Variants in TACR1 observed in about 807,000 individuals in gnomAD.
TACR1 encodes tachykinin receptor 1.
Under a neutral mutation model 35.8 loss-of-function variants are expected in TACR1, and 25 were observed. The observed-to-expected ratio is 0.70, with a 90% confidence interval of 0.51 to 0.98. TACR1 has a LOEUF of 0.98. TACR1 is among the 50% of genes least tolerant of loss of function. TACR1 has a pLI of 0.00. For missense variants in TACR1, 478 were observed against 522.9 expected (o/e 0.91, Z 0.84); for synonymous variants, 195 against 206.7 (o/e 0.94, Z 0.48).
intron 1 of TACR1, among the ~76,000 whole-genome samples, chr2:75,183,122 T>G (rs1675597952): frequency 6.6e-6 from 1 of 152,138 alleles, no homozygotes; most frequent in Admixed American, 6.5e-5. Flanking sequence ...TCAATGTCAG[T>G]AGAAGATAAC....
At chr2:75,078,611 C>G in intron 2 of TACR1, among the ~76,000 whole-genome samples, 1 of 152,148 alleles carries the variant, frequency 6.6e-6, no homozygotes, top group Non-Finnish European at 1.5e-5. Context: ...CCACCTGAAC[C>G]TACTCCAGTC....
At chr2:75,117,451 C>T (rs530269666) in intron 2 of TACR1, among the ~76,000 whole-genome samples, 1 of 152,316 alleles carries the variant, frequency 6.6e-6, no homozygotes, top group African/African-American at 2.4e-5. Context: ...TGCCTGTCAT[C>T]TTCCAGTGAA....
At chr2:75,054,070 A>AT (rs1672524833) in intron 2 of TACR1, among the ~76,000 whole-genome samples, 1 of 152,182 alleles carries the variant, frequency 6.6e-6, no homozygotes, top group Non-Finnish European at 1.5e-5. Flanking sequence ...ACCCATAGCG[A>AT]TTTCAGTTGA....
chr2:75,148,015 C>T (rs772411735), intron 1 of TACR1, among the ~76,000 whole-genome samples: 3 of 151,764 alleles, frequency 2.0e-5, no homozygotes, highest in Admixed American at 6.6e-5. Flanking sequence ...CAAAGTGCTG[C>T]GATTACAGTT....
intron 1 of TACR1, among the ~76,000 whole-genome samples, chr2:75,172,193 A>G (rs537538218): frequency 6.6e-6 from 1 of 152,308 alleles, no homozygotes; most frequent in South Asian, 2.1e-4. Flanking sequence ...TCTTGAATGG[A>G]GAACCAGCCA....
rs72809322 is a variant in TACR1 at position 75,169,584 on chromosome 2, A to G, written c.389+28962T>C. Among the ~76,000 whole-genome samples the G allele has an allele frequency of 4.2e-3, 647 of 152,276 alleles. 6 individuals carry two copies. The highest frequency in any genetic ancestry group is 0.013 in the African/African-American group (561 of 41,566). ...TTTATTTTTCTTGCTAGGATAGATG[A>G]AGACATTTTACAATTTAAACCTGGA... On this transcript the variant is annotated intron_variant, in intron 1 of 4. Transcript: ENST00000305249.
intron 1 of TACR1, among the ~76,000 whole-genome samples, chr2:75,140,200 A>G (rs902191981): frequency 6.6e-5 from 10 of 152,126 alleles, no homozygotes; most frequent in African/African-American, 2.4e-4. Flanking sequence ...CATTGAATGT[A>G]GACAGTATTT....
chr2:75,191,690 AGG>A (rs996121774), intron 1 of TACR1, among the ~76,000 whole-genome samples: 2 of 152,192 alleles, frequency 1.3e-5, no homozygotes, highest in African/African-American at 4.8e-5. Context: ...CCTTTATGGT[AGG>A]GAGAAATTTG....
intron 1 of TACR1, among the ~76,000 whole-genome samples, chr2:75,124,314 A>C (rs542127127): frequency 6.6e-6 from 1 of 152,370 alleles, no homozygotes; most frequent in East Asian, 1.9e-4. Context: ...ATCCTCTGAC[A>C]AGCGGCAGTA....
chr2:75,198,650 G>A lies in TACR1; in HGVS notation c.285C>T (p.His95=). 6.2e-7 allele frequency: 1 copy of A among 1,614,244 alleles called. No homozygotes were observed. The highest frequency in any genetic ancestry group is 8.5e-7 in the Non-Finnish European group (1 of 1,180,038). ...AGAACAGGCCGTAGTACCATTCGTT[G>A]TGGACAGCATAGGTGAAGTTCACCA... The part of the protein sequence containing the change: ...NTVVNFTYAV[H]NEWYYGLFYC... The change falls in exon 1 of 5, where the codon CAC becomes CAT. Residue 95 remains histidine (H), a synonymous_variant. Transcript: ENST00000305249.
intron 2 of TACR1, among the ~76,000 whole-genome samples, chr2:75,086,124 G>A (rs1673183893): frequency 6.6e-6 from 1 of 152,224 alleles, no homozygotes; most frequent in Non-Finnish European, 1.5e-5. Context: ...TTGGGTTGAG[G>A]AGAGAGAAAA....
chr2:75,079,112 T>C (rs1267165035), intron 2 of TACR1, among the ~76,000 whole-genome samples: 2 of 152,164 alleles, frequency 1.3e-5, no homozygotes, highest in Non-Finnish European at 2.9e-5. Context: ...TGAAGTTGCC[T>C]TTATATAGAA....
chr2:75,137,722 C>T (rs1337762390), intron 1 of TACR1, among the ~76,000 whole-genome samples: 1 of 107,918 alleles, frequency 9.3e-6, no homozygotes, highest in Admixed American at 1.1e-4. Context: ...GAGAGAGTCT[C>T]CGTCTCAAAA....
intron 2 of TACR1, among the ~76,000 whole-genome samples, chr2:75,118,339 A>G (rs1268150438): frequency 6.6e-6 from 1 of 152,232 alleles, no homozygotes; most frequent in Non-Finnish European, 1.5e-5. Flanking sequence ...TTGATTTACT[A>G]TTGTATCAAT....
In TACR1 at chr2:75,158,126, A is replaced by G. The variant is rs568173037; in HGVS notation, c.390-37358T>C. Among the ~76,000 whole-genome samples the G allele has an allele frequency of 2.0e-5, 3 of 152,358 alleles. No homozygotes were observed. The East Asian group carries it at 5.8e-4, about 29-fold the overall frequency. On this transcript the variant is annotated intron_variant, in intron 1 of 4. Coordinates refer to ENST00000305249, the MANE Select transcript of TACR1 (RefSeq NM_001058.4). ...GCAAAGAGAATACAAGACTCCAACT[A>G]TGACCCAACTGGGTCCTCCAACACT...
Position 75,047,350 on chromosome 2 carries a change from C to T in TACR1, c.*2082G>A, listed in dbSNP as rs1672385912. 6.6e-6 allele frequency: 1 copy of T among 152,266 alleles called. No individual in the cohort carries two copies. Among genetic ancestry groups the T allele is most frequent in the Non-Finnish European group, 1.5e-5 (1 of 68,084 alleles). The allele number at this position is 152,266 out of a possible 1,614,324, so 9.4% of individuals were successfully genotyped here. A position where few individuals can be genotyped will look rare whatever the true frequency, so the allele number is the denominator to read the frequency against. On this transcript the variant is annotated 3_prime_UTR_variant, in exon 5 of 5. Coordinates refer to ENST00000305249, the MANE Select transcript of TACR1 (RefSeq NM_001058.4). The stretch of plus-strand genomic sequence containing the variant: ...CCAAGACTGCTGGGCAGCTTAGACT[C>T]ACTAGGACTGGTGAGTTAGTTAGTG...
intron 2 of TACR1, among the ~76,000 whole-genome samples, chr2:75,064,098 A>AG (rs1672723364): frequency 6.6e-6 from 1 of 151,720 alleles, no homozygotes; most frequent in African/African-American, 2.4e-5. Context: ...TAGGAAAAAA[A>AG]AAAAAAGGTT....
At chr2:75,127,980 A>G (rs1187717207) in intron 1 of TACR1, among the ~76,000 whole-genome samples, 2 of 152,124 alleles carry the variant, frequency 1.3e-5, no homozygotes, top group Non-Finnish European at 2.9e-5. Flanking sequence ...GAACCATCTC[A>G]TTTTATTTTA....
At chr2:75,113,281 G>GA (rs1172537216) in intron 2 of TACR1, among the ~76,000 whole-genome samples, 3 of 152,158 alleles carry the variant, frequency 2.0e-5, no homozygotes, top group African/African-American at 7.2e-5. Context: ...GCTGCCTCCG[G>GA]AAGTTGATGG....
Sources: gnomAD v4.1 joint callset for allele counts (sites outside exome capture counted in the v4.1 genomes callset) on GRCh38, gnomAD v4.1.1 for gene constraint, MANE v1.5 for transcripts, NCBI Gene and HGNC (gene_info 2026-07-23, HGNC 2026-07-21) for gene names.